Variants in KIAA0586 observed in about 807,000 individuals in gnomAD.
KIAA0586 encodes KIAA0586, also known as protein TALPID3.
A neutral mutation model predicts 169.8 loss-of-function variants in KIAA0586; 144 were observed. That is an observed-to-expected ratio of 0.85 (90% confidence interval 0.74 to 0.97). The LOEUF (loss-of-function observed/expected upper bound fraction) is 0.97, where lower values mean the gene tolerates loss of function less well. Among genes scored for constraint, KIAA0586 ranks in the 50% least tolerant of loss-of-function variants. The pLI is 0.00. For missense variants in KIAA0586, 1,854 were observed against 1,823.0 expected, an observed-to-expected ratio of 1.02 and a Z score of -0.31; for synonymous variants, 625 against 612.4, an observed-to-expected ratio of 1.02 and a Z score of -0.30.
chr14:58,528,697 T>A (rs565690169), intron 29 of KIAA0586, among the ~76,000 whole-genome samples: 6 of 152,238 alleles, frequency 3.9e-5, no homozygotes, highest in African/African-American at 1.4e-4. Context: ...TGGGACACAT[T>A]TAAAGCAGTG....
rs778298400 is a variant in KIAA0586, at chr14:58,428,828, T to C, written c.199+365T>C. ...TACCTAATTCACTACTTTCTTTTCATAGTGGGAAAAGCAGGACTTCTGCCA... is the reference window on the plus strand; with the variant it reads ...TACCTAATTCACTACTTTCTTTTCACAGTGGGAAAAGCAGGACTTCTGCCA... On this transcript the variant is annotated intron_variant, in intron 1 of 30. Transcript: ENST00000652326. 2.0e-5 allele frequency among the ~76,000 whole-genome samples: 3 copies of C among 152,170 alleles called. No homozygotes were observed. The East Asian group carries it at 5.8e-4, about 29-fold the overall frequency.
At chr14:58,473,047 G>C (rs964516954) in intron 18 of KIAA0586, among the ~76,000 whole-genome samples, 1 of 149,948 alleles carries the variant, frequency 6.7e-6, no homozygotes, top group Non-Finnish European at 1.5e-5. Context: ...AATTGTTTAT[G>C]CAATATACAA....
At chr14:58,502,647 T>A (rs1206672170) in intron 27 of KIAA0586, among the ~76,000 whole-genome samples, 5 of 152,218 alleles carry the variant, frequency 3.3e-5, no homozygotes, top group Admixed American at 3.3e-4. Flanking sequence ...TGACAATGCA[T>A]GTAAAGTACT....
chr14:58,508,858 A>G, intron 28 of KIAA0586, 149 bp downstream of exon 28: 1 of 646,410 alleles, frequency 1.5e-6, no homozygotes, highest in Non-Finnish European at 2.7e-6. Context: ...CTGAATATAA[A>G]TCTAGTTCAC....
At chr14:58,430,294 C>G (rs1392338221) in intron 2 of KIAA0586, among the ~76,000 whole-genome samples, 3 of 151,998 alleles carry the variant, frequency 2.0e-5, no homozygotes, top group Admixed American at 6.6e-5. Context: ...CTTATCTACT[C>G]CATTTGACTC....
chr14:58,547,016 C>G (rs1595563448), intron 30 of KIAA0586, among the ~76,000 whole-genome samples: 1 of 152,202 alleles, frequency 6.6e-6, no homozygotes, highest in Non-Finnish European at 1.5e-5. Context: ...GCATAGCACC[C>G]TTAGGCACTC....
At chr14:58,447,848 A>AT (rs2039033324) in intron 6 of KIAA0586, among the ~76,000 whole-genome samples, 1 of 152,218 alleles carries the variant, frequency 6.6e-6, no homozygotes, top group African/African-American at 2.4e-5. Flanking sequence ...TTTATATACA[A>AT]ATGCATATAT....
At chr14:58,433,472 G>A (rs1169135856) in intron 4 of KIAA0586, 1 of 152,104 alleles carries the variant, frequency 6.6e-6, no homozygotes, top group Non-Finnish European at 1.5e-5. Flanking sequence ...GTATCCTTTT[G>A]TTGTCTTTAA....
intron 8 of KIAA0586, among the ~76,000 whole-genome samples, chr14:58,452,682 C>G (rs2039490997): frequency 6.6e-6 from 1 of 152,036 alleles, no homozygotes; most frequent in African/African-American, 2.4e-5. Flanking sequence ...ATGAATTCAA[C>G]CTTTTACTTA....
chr14:58,451,990 A>T (rs1000011149), intron 8 of KIAA0586, among the ~76,000 whole-genome samples: 1 of 152,144 alleles, frequency 6.6e-6, no homozygotes, highest in African/African-American at 2.4e-5. Flanking sequence ...GCCATATATG[A>T]ACTTTTTAAC....
intron 16 of KIAA0586, 114 bp downstream of exon 16, chr14:58,468,036 CT>C (rs2040908271): frequency 2.7e-5 from 17 of 631,736 alleles, no homozygotes; most frequent in East Asian, 3.1e-5. Flanking sequence ...GATCATGACT[CT>C]TTTTTTTAAA....
intron 6 of KIAA0586, among the ~76,000 whole-genome samples, chr14:58,444,477 A>G (rs1278554343): frequency 6.6e-6 from 1 of 151,860 alleles, no homozygotes. Flanking sequence ...AGGCTGAAGT[A>G]CAGTAGTAGA....
At chr14:58,475,379 C>G (rs1023499812) in intron 19 of KIAA0586, among the ~76,000 whole-genome samples, 3 of 152,156 alleles carry the variant, frequency 2.0e-5, no homozygotes, top group Admixed American at 2.0e-4. Flanking sequence ...TCTATCCCCC[C>G]ACCCCCTACC....
At chr14:58,492,910 C>T (rs1300234739) in intron 26 of KIAA0586, among the ~76,000 whole-genome samples, 1 of 152,160 alleles carries the variant, frequency 6.6e-6, no homozygotes, top group Non-Finnish European at 1.5e-5. Context: ...GTGGCTAGAA[C>T]TTTAGATGAA....
chr14:58,446,821 T>C (rs1419595047), intron 6 of KIAA0586, among the ~76,000 whole-genome samples: 1 of 152,138 alleles, frequency 6.6e-6, no homozygotes, highest in African/African-American at 2.4e-5. Flanking sequence ...GCAAATTATC[T>C]AGTGAGAGAC....
At chr14:58,453,255 A>G in intron 8 of KIAA0586, 95 bp from the exon 9 acceptor site, 3 of 661,254 alleles carry the variant, frequency 4.5e-6, no homozygotes, top group Non-Finnish European at 7.0e-6. Flanking sequence ...CATCATAAGA[A>G]GCTAACTTAG....
chr14:58,557,863 T>C, the KIAA0586 span, among the ~76,000 whole-genome samples: 1 of 150,128 alleles, frequency 6.7e-6, no homozygotes, highest in East Asian at 1.9e-4. Context: ...TCTGTAATCA[T>C]GTCTTAGAAA....
chr14:58,441,052 A>G (rs527880695), intron 4 of KIAA0586: 27 of 190,188 alleles, frequency 1.4e-4, no homozygotes, highest in African/African-American at 6.0e-4. Flanking sequence ...TAGCTTGACT[A>G]TAATCGTTTT....
rs2040519014 is a variant in KIAA0586, at chr14:58,463,821, G to C, written c.2060-2014G>C. On this transcript the variant is annotated intron_variant, in intron 14 of 30. Coordinates refer to ENST00000652326, the MANE Select transcript of KIAA0586 (RefSeq NM_001329943.3). ...AGCCTGGGTAACTGAGCAAGACCCT[G>C]TCTCTAAAAAAAAAAAAATTAGATA... 5.1e-5 allele frequency: 8 copies of C among 155,798 alleles called. 1 individual carries two copies. Among genetic ancestry groups the C allele is most frequent in the South Asian group, 3.5e-4 (7 of 19,944 alleles). 9.7% of individuals were successfully genotyped at this position (155,798 alleles called of 1,614,324 possible). A position where few individuals can be genotyped will look rare whatever the true frequency, so the allele number is the denominator to read the frequency against.
Sources: gnomAD v4.1 joint callset for allele counts (sites outside exome capture counted in the v4.1 genomes callset) on GRCh38, gnomAD v4.1.1 for gene constraint, MANE v1.5 for transcripts, NCBI Gene and HGNC (gene_info 2026-07-23, HGNC 2026-07-21) for gene names.